GSE1: variants seen among roughly 807,000 people sequenced by gnomAD.
GSE1 encodes Gse1 coiled-coil protein.
Under a neutral mutation model 112.6 loss-of-function variants are expected in GSE1, and 32 were observed. The ratio of observed to expected loss-of-function variants is 0.28; its 90% CI spans 0.21 to 0.38. GSE1 has a LOEUF of 0.38. Ranked by LOEUF, GSE1 falls within the 10% of genes least tolerant of loss-of-function variation. The probability of loss-of-function intolerance (pLI) is 1.00; values close to 1 mark genes in which losing one functional copy is unlikely to be tolerated. For synonymous variants in GSE1, 1,115 were observed against 735.6 expected, an observed-to-expected ratio of 1.52 and a Z score of -8.35; for missense variants, 2,348 against 1,699.2, an observed-to-expected ratio of 1.38 and a Z score of -6.71.
intron 1 of GSE1, among the ~76,000 whole-genome samples, chr16:85,246,317 ACACACACACACACACCCC>A (rs1905722412): frequency 1.2e-5 from 1 of 80,928 alleles, no homozygotes; most frequent in African/African-American, 4.7e-5. Flanking sequence ...GTCTACACAC[ACACACACACACACACCCC>A]CCACACGCTG....
At position 85,646,724 on chromosome 16, in the gene GSE1, G is replaced by A. The variant is rs191281815; in HGVS notation, c.227-1828G>A. On this transcript the variant is annotated intron_variant, in intron 2 of 15. Coordinates refer to ENST00000253458, the MANE Select transcript of GSE1 (RefSeq NM_014615.5). ...TGCAGGCTGCAGGCCAGCCGGAGTCGGGGGTGTGAGTGTGCAGCCGTGCAC... is the reference window on the plus strand; with the variant it reads ...TGCAGGCTGCAGGCCAGCCGGAGTCAGGGGTGTGAGTGTGCAGCCGTGCAC... 2.5e-3 allele frequency among the ~76,000 whole-genome samples: 375 copies of A among 152,254 alleles called. 3 individuals are homozygous for A. The highest frequency in any genetic ancestry group is 8.6e-3 in the African/African-American group (359 of 41,542).
At chr16:85,408,124 A>AG (rs1268724569) in intron 2 of GSE1, among the ~76,000 whole-genome samples, 11 of 30,652 alleles carry the variant, frequency 3.6e-4, no homozygotes, top group Admixed American at 1.1e-3. Flanking sequence ...TGTTACTCTC[A>AG]GGCCCCCTGG....
intron 2 of GSE1, among the ~76,000 whole-genome samples, chr16:85,523,721 C>T (rs1013046316): frequency 6.6e-6 from 1 of 152,258 alleles, no homozygotes; most frequent in African/African-American, 2.4e-5. Context: ...CCTCCCCGAA[C>T]ACTGGGAGAC....
At chr16:85,672,001 C>G (rs1236461808) in intron 15 of GSE1, 4 of 209,970 alleles carry the variant, frequency 1.9e-5, no homozygotes, top group African/African-American at 7.0e-5. Context: ...GAGAAGTGGA[C>G]TTTGTTTCTC....
At chr16:85,269,061 G>C (rs1026010501) in intron 1 of GSE1, among the ~76,000 whole-genome samples, 1 of 149,350 alleles carries the variant, frequency 6.7e-6, no homozygotes, top group African/African-American at 2.4e-5. Flanking sequence ...CCTGGGGTGG[G>C]CATGCCCTGC....
rs1220814124 is a variant in GSE1, at chr16:85,246,693, GC to G, written c.2283+74890del. Among the ~76,000 whole-genome samples the G allele has an allele frequency of 2.0e-5, 3 of 152,144 alleles. No homozygotes were observed. The East Asian group carries it at 5.8e-4, about 29-fold the overall frequency. ...GCCCACCCCACTCCCACCCTCGGAGGCCCCAGAACCCTAGTGGACTAGAGAG... is the reference window on the plus strand; with the variant it reads ...GCCCACCCCACTCCCACCCTCGGAGGCCCAGAACCCTAGTGGACTAGAGAG... On this transcript the variant is annotated intron_variant, in intron 1 of 2. Coordinates refer to the GSE1 transcript ENST00000637419.
intron 1 of GSE1, among the ~76,000 whole-genome samples, chr16:85,218,473 C>A (rs12595970): frequency 0.18 from 27,450 of 152,256 alleles, 2,519 homozygotes; most frequent in South Asian, 0.33. Context: ...GTGCCAGGCA[C>A]ACTTCTGGGG....
At chr16:85,611,779 C>T (rs2047999307), upstream of GSE1, among the ~76,000 whole-genome samples, 1 of 151,746 alleles carries the variant, frequency 6.6e-6, no homozygotes, top group Non-Finnish European at 1.5e-5. Flanking sequence ...CGCTCTAGGC[C>T]CGCCAGCGTC....
intron 2 of GSE1, among the ~76,000 whole-genome samples, chr16:85,502,687 C>T (rs539422346): frequency 2.6e-5 from 4 of 152,306 alleles, no homozygotes; most frequent in Non-Finnish European, 4.4e-5. Context: ...GCAAGGCTAC[C>T]GCCGACCTGC....
At chr16:85,636,235 G>A (rs1052278131) in intron 2 of GSE1, among the ~76,000 whole-genome samples, 4 of 152,214 alleles carry the variant, frequency 2.6e-5, no homozygotes, top group Admixed American at 6.5e-5. Context: ...GGGAGAGCGG[G>A]CGAGCAGTGC....
Position 85,663,438 on chromosome 16 carries a change from G to C in GSE1, c.2468G>C (p.Arg823Pro). The change falls in exon 11 of 16, where the codon CGA (arginine) becomes CCA (proline). Residue 823 changes from arginine (R) to proline (P), a missense_variant. Physicochemically the swap from Arg to Pro is moderately radical, Grantham distance 103. Transcript: ENST00000253458. ...QKRRKRRRML[R>P]ERSPSPPTIQ... ...CGGAGGAAGCGGCGGAGGATGCTGCGAGAGAGAAGCCCGTCGCCCCCAACA... is the reference window on the plus strand; with the variant it reads ...CGGAGGAAGCGGCGGAGGATGCTGCCAGAGAGAAGCCCGTCGCCCCCAACA... 6.2e-7 allele frequency: 1 copy of C among 1,613,890 alleles called. No homozygotes were observed. Among genetic ancestry groups the C allele is most frequent in the South Asian group, 1.1e-5 (1 of 91,080 alleles).
chr16:85,439,304 G>A (rs2049321165), intron 2 of GSE1, among the ~76,000 whole-genome samples: 3 of 152,266 alleles, frequency 2.0e-5, no homozygotes, highest in Non-Finnish European at 1.5e-5. Context: ...CCATGACCCA[G>A]GTGGCCAGAG....
chr16:85,538,925 G>A (rs1054376616), intron 2 of GSE1, among the ~76,000 whole-genome samples: 30 of 151,926 alleles, frequency 2.0e-4, no homozygotes, highest in Admixed American at 2.0e-3. Flanking sequence ...TCCCTTGGCT[G>A]GAGTGGCCTA....
chr16:85,496,169 C>T (rs941604639), intron 2 of GSE1, among the ~76,000 whole-genome samples: 21 of 152,170 alleles, frequency 1.4e-4, no homozygotes, highest in East Asian at 3.9e-4. Context: ...GACTTGACCT[C>T]GCTCCCCAGA....
chr16:85,420,069 C>T (rs549381622), intron 2 of GSE1, among the ~76,000 whole-genome samples: 17 of 151,942 alleles, frequency 1.1e-4, no homozygotes, highest in East Asian at 3.9e-4. Flanking sequence ...AGGGGTCTGA[C>T]GGGTGCCCTG....
chr16:85,459,803 T>G (rs965199104), intron 2 of GSE1, among the ~76,000 whole-genome samples: 2 of 152,232 alleles, frequency 1.3e-5, no homozygotes. Flanking sequence ...TCTTTGGTCT[T>G]GAGCACTTGT....
chr16:85,481,375 C>G (rs2050676970), intron 2 of GSE1, among the ~76,000 whole-genome samples: 1 of 152,154 alleles, frequency 6.6e-6, no homozygotes, highest in African/African-American at 2.4e-5. Flanking sequence ...GGGGTTAACT[C>G]TGGGGACAGA....
At chr16:85,180,006 A>G (rs2074548829) in intron 1 of GSE1, among the ~76,000 whole-genome samples, 2 of 152,172 alleles carry the variant, frequency 1.3e-5, no homozygotes, top group African/African-American at 4.8e-5. Context: ...TCGTCTTTCT[A>G]CATGTGTTGG....
At chr16:85,295,091 G>A (rs1322043514) in intron 1 of GSE1, among the ~76,000 whole-genome samples, 1 of 151,802 alleles carries the variant, frequency 6.6e-6, no homozygotes, top group Non-Finnish European at 1.5e-5. Context: ...CCATCACCTC[G>A]AGGGTTCGGG....
Sources: gnomAD v4.1 joint callset for allele counts (sites outside exome capture counted in the v4.1 genomes callset) on GRCh38, gnomAD v4.1.1 for gene constraint, MANE v1.5 for transcripts, NCBI Gene and HGNC (gene_info 2026-07-23, HGNC 2026-07-21) for gene names.